Variants in AFAP1 observed in about 807,000 individuals in gnomAD.
AFAP1 encodes actin filament-associated protein 1.
A neutral mutation model predicts 93.9 loss-of-function variants in AFAP1; 75 were observed. That is an observed-to-expected ratio of 0.80 (90% confidence interval 0.66 to 0.97). AFAP1 has a LOEUF of 0.97. Ranked by LOEUF, AFAP1 falls within the 50% of genes least tolerant of loss-of-function variation. AFAP1 has a pLI of 0.00. For missense variants in AFAP1, 1,201 were observed against 1,050.8 expected (o/e 1.14, Z -1.98); for synonymous variants, 517 against 430.7 (o/e 1.20, Z -2.48).
intron 6 of AFAP1, among the ~76,000 whole-genome samples, chr4:7,821,058 C>T (rs919514952): frequency 3.9e-5 from 6 of 152,128 alleles, no homozygotes; most frequent in Non-Finnish European, 5.9e-5. Flanking sequence ...GCAGAGGTTG[C>T]GGTGAGCCGA....
chr4:7,828,464 C>A (rs1019803387), intron 6 of AFAP1, among the ~76,000 whole-genome samples: 2 of 152,310 alleles, frequency 1.3e-5, no homozygotes, highest in Non-Finnish European at 2.9e-5. Context: ...CAGCCTCCCC[C>A]ACAGTTTGGC....
chr4:7,809,015 AG>A (rs1719775370), intron 9 of AFAP1, among the ~76,000 whole-genome samples: 1 of 152,016 alleles, frequency 6.6e-6, no homozygotes, highest in South Asian at 2.1e-4. Flanking sequence ...TGGCAGCAAC[AG>A]GAAAGTGACT....
At chr4:7,851,537 C>G (rs940421443) in intron 4 of AFAP1, among the ~76,000 whole-genome samples, 4 of 152,214 alleles carry the variant, frequency 2.6e-5, no homozygotes, top group African/African-American at 7.2e-5. Context: ...AAACAGACCT[C>G]AGCAGAAGAG....
At chr4:7,916,897 A>G (rs955663368) in intron 1 of AFAP1, among the ~76,000 whole-genome samples, 3 of 152,136 alleles carry the variant, frequency 2.0e-5, no homozygotes, top group African/African-American at 7.2e-5. Context: ...GTGCATTTTC[A>G]GGAACAGCTC....
At chr4:7,813,105 C>G (rs1272479116) in intron 8 of AFAP1, among the ~76,000 whole-genome samples, 1 of 152,150 alleles carries the variant, frequency 6.6e-6, no homozygotes, top group Admixed American at 6.5e-5. Context: ...CCTGGACTGT[C>G]TCTTTCTTCA....
intron 11 of AFAP1, among the ~76,000 whole-genome samples, chr4:7,792,463 G>A (rs1417457228): frequency 6.6e-6 from 1 of 152,182 alleles, no homozygotes; most frequent in Non-Finnish European, 1.5e-5. Context: ...TCTAAGGAAA[G>A]CTTAAATGTA....
In AFAP1 at chr4:7,939,782, G is replaced by A. The variant is rs915274516; in HGVS notation, c.-129C>T. 2.6e-5 allele frequency: 10 copies of A among 387,692 alleles called. No homozygotes were observed. Among genetic ancestry groups the A allele is most frequent in the Non-Finnish European group, 5.0e-5 (10 of 199,584 alleles). The allele number at this position is 387,692 out of a possible 1,614,324, so 24.0% of individuals were successfully genotyped here. A position where few individuals can be genotyped will look rare whatever the true frequency, so the allele number is the denominator to read the frequency against. On this transcript the variant is annotated 5_prime_UTR_variant, in exon 1 of 18. Coordinates refer to ENST00000420658, the MANE Select transcript of AFAP1 (RefSeq NM_001134647.2). The surrounding 1 kb of genome is among the most constrained non-coding windows in gnomAD (Gnocchi z 5.6). ...GCCCCGGGGCGGGGCCGCCGCCGCC[G>A]CCTCAGCCCGTGTACCCCGCTCGAG...
At chr4:7,901,070 A>G (rs945627619) in intron 1 of AFAP1, among the ~76,000 whole-genome samples, 2 of 152,200 alleles carry the variant, frequency 1.3e-5, no homozygotes, top group African/African-American at 4.8e-5. Flanking sequence ...AGCACTTTCT[A>G]TGTATAACAG....
Position 7,760,349 on chromosome 4 carries a change from G to A in AFAP1, c.*3416C>T, listed in dbSNP as rs1713604976. On this transcript the variant is annotated 3_prime_UTR_variant, in exon 18 of 18. Coordinates refer to ENST00000420658, the MANE Select transcript of AFAP1 (RefSeq NM_001134647.2). ...GCATAGGCACAGAGGGGCGAGATGG[G>A]ACTGACCCAGCTGGTAAGCCGCCGC... The A allele has an allele frequency of 6.6e-6, 1 of 152,420 alleles. No homozygotes were observed. Among genetic ancestry groups the A allele is most frequent in the Non-Finnish European group, 1.5e-5 (1 of 68,206 alleles). The allele number at this position is 152,420 out of a possible 1,614,324, so 9.4% of individuals were successfully genotyped here.
At chr4:7,805,492 C>A (rs58457272) in intron 9 of AFAP1, among the ~76,000 whole-genome samples, 17 of 151,986 alleles carry the variant, frequency 1.1e-4, no homozygotes, top group Non-Finnish European at 1.6e-4. Context: ...AAAAACATGT[C>A]GGATGAATAC....
At chr4:7,842,118 A>G (rs1289519217) in intron 5 of AFAP1, among the ~76,000 whole-genome samples, 1 of 152,164 alleles carries the variant, frequency 6.6e-6, no homozygotes, top group Non-Finnish European at 1.5e-5. Flanking sequence ...TCATTTTTTA[A>G]TATTCCCCAT....
intron 1 of AFAP1, among the ~76,000 whole-genome samples, chr4:7,874,187 A>C (rs1415150458): frequency 2.0e-5 from 3 of 152,170 alleles, no homozygotes; most frequent in Non-Finnish European, 4.4e-5. Flanking sequence ...AACTATTCTA[A>C]TGTAACAGAG....
chr4:7,821,067 G>A (rs906196602), intron 6 of AFAP1, among the ~76,000 whole-genome samples: 33 of 152,142 alleles, frequency 2.2e-4, no homozygotes, highest in African/African-American at 7.0e-4. Flanking sequence ...GCGGTGAGCC[G>A]AGATCGCACC....
intron 9 of AFAP1, among the ~76,000 whole-genome samples, chr4:7,803,938 G>A (rs1017033824): frequency 6.6e-5 from 10 of 151,894 alleles, no homozygotes; most frequent in Non-Finnish European, 1.3e-4. Flanking sequence ...TGTTTTCAGC[G>A]ACTGCCCCTA....
At chr4:7,849,814 G>A (rs528890113) in intron 4 of AFAP1, among the ~76,000 whole-genome samples, 1 of 152,262 alleles carries the variant, frequency 6.6e-6, no homozygotes, top group Admixed American at 6.5e-5. Flanking sequence ...TTCTACTTGC[G>A]ATTCTTACAG....
intron 4 of AFAP1, among the ~76,000 whole-genome samples, chr4:7,854,280 C>T (rs1296299007): frequency 6.6e-6 from 1 of 152,180 alleles, no homozygotes; most frequent in Non-Finnish European, 1.5e-5. Flanking sequence ...AGAACTATCC[C>T]TTTTCTCATC....
chr4:7,792,319 A>AT (rs1717934954), intron 11 of AFAP1, among the ~76,000 whole-genome samples: 1 of 152,144 alleles, frequency 6.6e-6, no homozygotes, highest in Non-Finnish European at 1.5e-5. Flanking sequence ...GATCTTTCAA[A>AT]TGTTGACCCC....
intron 16 of AFAP1, among the ~76,000 whole-genome samples, chr4:7,771,251 G>A (rs530344923): frequency 7.2e-5 from 11 of 152,126 alleles, no homozygotes; most frequent in East Asian, 1.9e-4. Context: ...TGGGCATGGC[G>A]GCCCCCGCCG....
At chr4:7,765,901 C>T (rs13119259) in intron 17 of AFAP1, among the ~76,000 whole-genome samples, 55,705 of 152,088 alleles carry the variant, frequency 0.37, 12,422 homozygotes, top group Non-Finnish European at 0.51. Context: ...CCGACCACAG[C>T]GCCCGGCCAC....
Sources: allele counts gnomAD v4.1 joint callset (sites outside exome capture counted in the v4.1 genomes callset), GRCh38; gene constraint gnomAD v4.1.1; non-coding constraint Gnocchi (gnomAD v3.1); transcripts MANE v1.5; gene names NCBI Gene and HGNC (gene_info 2026-07-23, HGNC 2026-07-21).